Variants in ZFP69 observed in about 807,000 individuals in gnomAD.
ZFP69 encodes ZFP69 zinc finger protein.
A neutral mutation model predicts 48.9 loss-of-function variants in ZFP69; 35 were observed. The observed-to-expected ratio is 0.72, with a 90% CI of 0.55 to 0.95. The LOEUF (loss-of-function observed/expected upper bound fraction) is 0.95, where lower values mean the gene tolerates loss of function less well. Ranked by LOEUF, ZFP69 falls within the 40% of genes least tolerant of loss-of-function variation. ZFP69 has a pLI of 0.00. For missense variants in ZFP69, 557 were observed against 638.4 expected (o/e 0.87, Z 1.37); for synonymous variants, 193 against 216.8 (o/e 0.89, Z 0.96).
intron 3 of ZFP69, among the ~76,000 whole-genome samples, chr1:40,484,325 G>A (rs150863806): frequency 0.021 from 3,201 of 151,132 alleles, 42 homozygotes; most frequent in Non-Finnish European, 0.032. Context: ...TCAGCCTCCC[G>A]AGTAGCTGAG....
intron 2 of ZFP69, 64 bp downstream of exon 2, chr1:40,479,552 C>T: frequency 6.6e-7 from 1 of 1,509,210 alleles, no homozygotes; most frequent in South Asian, 1.3e-5. Context: ...GATAGGTACA[C>T]ACTTCATTGA....
chr1:40,483,108 G>T (rs994053865), intron 3 of ZFP69, among the ~76,000 whole-genome samples: 1 of 152,038 alleles, frequency 6.6e-6, no homozygotes, highest in Non-Finnish European at 1.5e-5. Context: ...TCAACTGGGG[G>T]TGGAGTGGAA....
At chr1:40,494,510 C>T (rs866368028) in intron 5 of ZFP69, among the ~76,000 whole-genome samples, 195 of 146,192 alleles carry the variant, frequency 1.3e-3, no homozygotes, top group African/African-American at 4.5e-3. Flanking sequence ...CCTCGTGATC[C>T]GCCCGCCTCG....
chr1:40,489,151 C>T lies in ZFP69; in HGVS notation c.283C>T (p.Pro95Ser), dbSNP rs1645536391. The change falls in exon 4 of 6, where the codon CCT (proline) becomes TCT (serine). Residue 95 changes from proline to serine, a missense_variant. Coordinates refer to ENST00000372706, the MANE Select transcript of ZFP69 (RefSeq NM_001320179.2). The part of the protein sequence containing the change: ...FTQEEWGQLA[P>S]AHQNLYREVM... ...CCAGGAAGAGTGGGGGCAGCTGGCT[C>T]CTGCTCACCAGAATCTATACCGAGA... 1 of 1,613,986 alleles carries T rather than the reference C, an allele frequency of 6.2e-7. No individual in the cohort carries two copies. The highest frequency in any genetic ancestry group is 8.5e-7 in the Non-Finnish European group (1 of 1,180,030).
chr1:40,495,613 G>GGAGA lies in ZFP69; in HGVS notation c.1138_1141dup (p.Lys381ArgfsTer8). 1 of 1,614,190 alleles carries GGAGA rather than the reference G, an allele frequency of 6.2e-7. No individual in the cohort carries two copies. Among genetic ancestry groups the GGAGA allele is most frequent in the Non-Finnish European group, 8.5e-7 (1 of 1,180,036 alleles). ...GGTTCAACATTTGAGGACTCATTCT[G>GGAGA]GAGAGAAACCTTTTACTTGCAATGA... On this transcript the variant is annotated frameshift_variant, in exon 6 of 6. Transcript: ENST00000372706. LOFTEE classifies it high-confidence loss of function.
chr1:40,494,700 T>TTA (rs199584505), intron 5 of ZFP69, among the ~76,000 whole-genome samples: 11 of 143,666 alleles, frequency 7.7e-5, no homozygotes, highest in East Asian at 2.0e-4. Context: ...AAAATATACA[T>TTA]TATATATATA....
chr1:40,494,435 A>AT (rs1340240804), intron 5 of ZFP69, among the ~76,000 whole-genome samples: 1 of 144,772 alleles, frequency 6.9e-6, no homozygotes, highest in East Asian at 2.0e-4. Flanking sequence ...CGCCCGGCTA[A>AT]TTTTTTGTAT....
rs1009666821 is a variant in ZFP69 at position 40,481,937 on chromosome 1, A to C, written c.219+83A>C. On this transcript the variant is annotated intron_variant, in intron 3 of 5. Coordinates refer to ENST00000372706, the MANE Select transcript of ZFP69 (RefSeq NM_001320179.2). ...AACCTGTCTTTTTTGCAGAGGTGGG[A>C]GTGGTGGTGAGGTAGGGTATTAAGA... 1.6e-5 allele frequency: 16 copies of C among 975,564 alleles called. No homozygotes were observed. The African/African-American group carries it at 2.3e-4, about 14-fold the overall frequency. 60.4% of individuals were successfully genotyped at this position (975,564 alleles called of 1,614,324 possible).
In ZFP69 at chr1:40,489,909, C is replaced by T. The variant is rs372094698; in HGVS notation, c.442+285C>T. On this transcript the variant is annotated intron_variant, in intron 5 of 5. Transcript: ENST00000372706. The stretch of plus-strand genomic sequence containing the variant: ...TTTTTGAGACAGAGTCTCGCACTGT[C>T]GCCAGGCTGGAGTGCAGTGGCGCAA... Among the ~76,000 whole-genome samples the T allele has an allele frequency of 5.6e-5, 8 of 141,676 alleles. No individual in the cohort carries two copies. The South Asian group carries it at 6.7e-4, about 12-fold the overall frequency. 92.9% of individuals were successfully genotyped at this position (141,676 alleles called of 152,430 possible). A position where few individuals can be genotyped will look rare whatever the true frequency, so the allele number is the denominator to read the frequency against.
At chr1:40,494,350 G>A (rs1645601992) in intron 5 of ZFP69, among the ~76,000 whole-genome samples, 1 of 127,590 alleles carries the variant, frequency 7.8e-6, no homozygotes, top group Non-Finnish European at 1.6e-5. Flanking sequence ...CTCACTGCAA[G>A]CTCCGCCTCC....
In ZFP69 at chr1:40,479,318, C is replaced by A. The variant is rs754723234; in HGVS notation, c.-44C>A. ...GAAGCGTCTCATCAAGAGCTTCTGGCAATTTCCTCACCAGAAGTGGACAAG... is the reference window on the plus strand; with the variant it reads ...GAAGCGTCTCATCAAGAGCTTCTGGAAATTTCCTCACCAGAAGTGGACAAG... On this transcript the variant is annotated 5_prime_UTR_variant, in exon 2 of 6. Coordinates refer to ENST00000372706, the MANE Select transcript of ZFP69 (RefSeq NM_001320179.2). The A allele has an allele frequency of 3.7e-5, 60 of 1,610,264 alleles. No individual in the cohort carries two copies. Among genetic ancestry groups the A allele is most frequent in the Admixed American group, 1.3e-4 (8 of 59,902 alleles).
rs1645402242 is a variant in ZFP69 at position 40,477,663 on chromosome 1, G to C, written c.-558G>C. On this transcript the variant is annotated 5_prime_UTR_variant, in exon 1 of 6. Transcript: ENST00000372706. The surrounding 1 kb of genome is among the most constrained non-coding windows in gnomAD (Gnocchi z 4.0). ...TGTGGAGCAGACCCTCGTCCACTCCGGAGGCCGAGGGTCCTCCGGGCTTCC... is the reference window on the plus strand; with the variant it reads ...TGTGGAGCAGACCCTCGTCCACTCCCGAGGCCGAGGGTCCTCCGGGCTTCC... 6.6e-6 allele frequency: 1 copy of C among 152,162 alleles called. No homozygotes were observed. Among genetic ancestry groups the C allele is most frequent in the Non-Finnish European group, 1.5e-5 (1 of 68,004 alleles). 9.4% of individuals were successfully genotyped at this position (152,162 alleles called of 1,614,324 possible).
chr1:40,488,790 C>T (rs1256410714), intron 3 of ZFP69, among the ~76,000 whole-genome samples: 3 of 152,162 alleles, frequency 2.0e-5, no homozygotes, highest in African/African-American at 7.2e-5. Context: ...CCTACCCTCA[C>T]TGTGGTTCTC....
In ZFP69 at chr1:40,489,284, T is replaced by C. The variant is rs964599941; in HGVS notation, c.346+70T>C. The stretch of plus-strand genomic sequence containing the variant: ...GAGAGTCATTATTTTAAATTATTGA[T>C]GTGTAGATTCCTTGAGGCTTGATTT... On this transcript the variant is annotated intron_variant, in intron 4 of 5. Transcript: ENST00000372706. 5 of 1,562,228 alleles carry C rather than the reference T, an allele frequency of 3.2e-6. No homozygotes were observed. In the African/African-American group the frequency reaches 6.8e-5, roughly 21 times the overall value.
chr1:40,493,301 C>A (rs1645588208), intron 5 of ZFP69: 1 of 151,942 alleles, frequency 6.6e-6, no homozygotes, highest in African/African-American at 2.4e-5. Flanking sequence ...TTTATACAGC[C>A]ACCTTGTTTT....
Position 40,495,824 on chromosome 1 carries a change from G to C in ZFP69, c.1346G>C (p.Arg449Thr). Residue 449 changes from arginine (R) to threonine (T), a missense_variant, in exon 6 of 6, where the codon AGG becomes ACG. Arg to Thr is a moderately conservative substitution (Grantham distance 71). Coordinates refer to ENST00000372706, the MANE Select transcript of ZFP69 (RefSeq NM_001320179.2). The part of the protein sequence containing the change: ...YKCKECGKAF[R>T]QRIHLSNHKT... ...TGTAAAGAATGTGGAAAAGCCTTTA[G>C]GCAGAGGATACACCTTAGCAACCAT... is the stretch of plus-strand genomic sequence containing the variant. 1 of 1,614,198 alleles carries C rather than the reference G, an allele frequency of 6.2e-7. No homozygotes were observed. The highest frequency in any genetic ancestry group is 8.5e-7 in the Non-Finnish European group (1 of 1,180,042).
intron 3 of ZFP69, among the ~76,000 whole-genome samples, chr1:40,488,493 A>G (rs1179303612): frequency 6.6e-6 from 1 of 152,188 alleles, no homozygotes; most frequent in Non-Finnish European, 1.5e-5. Flanking sequence ...CTTTGTGACA[A>G]TAAGTGCGTG....
In ZFP69 at chr1:40,479,425, C is replaced by T. The variant is rs771695245; in HGVS notation, c.64C>T (p.Pro22Ser). 4 of 1,614,102 alleles carry T rather than the reference C, an allele frequency of 2.5e-6. No individual in the cohort carries two copies. In the East Asian group the frequency reaches 6.7e-5, roughly 27 times the overall value. Residue 22 changes from proline (P) to serine (S), a missense_variant, in exon 2 of 6, where the codon CCA (proline) becomes TCA (serine). Transcript: ENST00000372706. Reference sequence around the variant, plus strand: ...CAGCACCTGGGTGAAGCTGCAACATCCAAAGAAGGCCGTGGAGGGGGCGCC... The same window carrying T: ...CAGCACCTGGGTGAAGCTGCAACATTCAAAGAAGGCCGTGGAGGGGGCGCC... ...EASTWVKLQHPKKAVEGAPLW... is the reference protein window; with the variant it reads ...EASTWVKLQHSKKAVEGAPLW...
intron 5 of ZFP69, 41 bp from the exon 6 acceptor site, chr1:40,494,880 T>C: frequency 2.6e-6 from 4 of 1,551,080 alleles, no homozygotes; most frequent in Non-Finnish European, 3.5e-6. Flanking sequence ...CCATAACCAC[T>C]ACAGTAATTG....
Sources: allele counts gnomAD v4.1 joint callset (sites outside exome capture counted in the v4.1 genomes callset), GRCh38; gene constraint gnomAD v4.1.1; non-coding constraint Gnocchi (gnomAD v3.1); transcripts MANE v1.5; gene names NCBI Gene and HGNC (gene_info 2026-07-23, HGNC 2026-07-21).